The following SF1 variants were observed in gnomAD, a reference collection of about 807,000 sequenced individuals.
SF1 encodes the protein splicing factor 1, also known as branch point-binding protein.
In SF1, 7 loss-of-function variants were observed where a neutral mutation model predicts 62.5. That is an observed-to-expected ratio of 0.11 (90% CI 0.06 to 0.21). The LOEUF is 0.21. SF1 is among the 10% of genes least tolerant of loss of function. SF1 has a pLI of 1.00. For missense variants in SF1, 578 were observed against 884.0 expected (o/e 0.65, Z 4.39); for synonymous variants, 394 against 323.6 (o/e 1.22, Z -2.33).
At position 64,767,138 on chromosome 11, in the gene SF1, A is replaced by C. The variant is rs571569373; in HGVS notation, c.1402+54T>G. 4.0e-5 allele frequency: 64 copies of C among 1,612,280 alleles called. 2 individuals carry two copies. The South Asian group carries it at 6.8e-4, about 17-fold the overall frequency. On this transcript the variant is annotated intron_variant, in intron 11 of 12. Transcript: ENST00000377390. ...GGGAAAGGCGGGGACTTGGGCCAGAACCCCCACTCACCCAAGCCTAGGTGA... is the reference window on the plus strand; with the variant it reads ...GGGAAAGGCGGGGACTTGGGCCAGACCCCCCACTCACCCAAGCCTAGGTGA...
chr11:64,770,774 A>G (rs1938192327), intron 3 of SF1: 1 of 176,206 alleles, frequency 5.7e-6, no homozygotes, highest in Non-Finnish European at 1.2e-5. Context: ...AAAAATACAT[A>G]TCCCAACTTT....
At chr11:64,766,569 A>C in intron 12 of SF1, 1 of 417,942 alleles carries the variant, frequency 2.4e-6, no homozygotes, top group East Asian at 4.2e-5. Context: ...GCAAGCATGC[A>C]CCATCCCACT....
chr11:64,772,485 C>T (rs1484298016), intron 3 of SF1: 1 of 984,778 alleles, frequency 1.0e-6, no homozygotes, highest in Non-Finnish European at 1.2e-6. Context: ...AAGAAAGATG[C>T]ATGAGTGAGT....
At position 64,765,539 on chromosome 11, in the gene SF1, G is replaced by C; in HGVS notation, c.*279C>G. On this transcript the variant is annotated 3_prime_UTR_variant, in exon 13 of 13. Coordinates refer to ENST00000377390, the MANE Select transcript of SF1 (RefSeq NM_004630.4). ...GGATCCTGGCGGCCCGGTTTGGGGA[G>C]AGGCAAAGGGAGTTGGGTGAGGAGA... 1 of 1,598,286 alleles carries C rather than the reference G, an allele frequency of 6.3e-7. No homozygotes were observed. Among genetic ancestry groups the C allele is most frequent in the East Asian group, 2.3e-5 (1 of 44,308 alleles).
At chr11:64,769,189 G>A (rs779845121) in intron 7 of SF1, 34 bp downstream of exon 7, 4 of 1,609,730 alleles carry the variant, frequency 2.5e-6, no homozygotes, top group Admixed American at 3.3e-5. Context: ...AGGTTCTTCA[G>A]GTCTCTACAC....
At chr11:64,778,128 G>A (rs1465708514) in intron 1 of SF1, 3 of 838,486 alleles carry the variant, frequency 3.6e-6, no homozygotes, top group Non-Finnish European at 2.9e-6. Flanking sequence ...GGGGACGGTG[G>A]CGGTGGAGGC....
At chr11:64,775,471 A>C (rs1362169163) in intron 2 of SF1, among the ~76,000 whole-genome samples, 1 of 152,196 alleles carries the variant, frequency 6.6e-6, no homozygotes, top group Admixed American at 6.5e-5. Flanking sequence ...GGAAAGAACA[A>C]GTATTAGTAG....
In SF1 at chr11:64,764,610, G is replaced by GA. The variant is rs1195076505; in HGVS notation, c.*1207dup. 1 of 152,530 alleles carries GA rather than the reference G, an allele frequency of 6.6e-6. No homozygotes were observed. Among genetic ancestry groups the GA allele is most frequent in the Non-Finnish European group, 1.5e-5 (1 of 68,058 alleles). 9.4% of individuals were successfully genotyped at this position (152,530 alleles called of 1,614,324 possible). A position where few individuals can be genotyped will look rare whatever the true frequency, so the allele number is the denominator to read the frequency against. ...AAAAGAAAATAAAGAAGCAGACCCA[G>GA]AAAACCACACTGCTCTTTTATTCAA... On this transcript the variant is annotated 3_prime_UTR_variant, in exon 13 of 13. Transcript: ENST00000377390.
intron 2 of SF1, chr11:64,776,256 C>A: frequency 2.2e-6 from 1 of 444,448 alleles, no homozygotes. Flanking sequence ...ACTGTTCTTA[C>A]TCCTAAGTGA....
intron 3 of SF1, chr11:64,772,400 T>C (rs1483611356): frequency 2.0e-5 from 20 of 983,490 alleles, no homozygotes; most frequent in South Asian, 4.7e-5. Context: ...AGGTAAAATA[T>C]AGCAAATGTA....
At chr11:64,772,205 GGTTT>G in intron 3 of SF1, 4 of 985,100 alleles carry the variant, frequency 4.1e-6, no homozygotes, top group Non-Finnish European at 3.6e-6. Flanking sequence ...AAGCAAAGAA[GGTTT>G]GTTAAAAATT....
intron 1 of SF1, 92 bp from the exon 2 acceptor site, chr11:64,776,718 C>A: frequency 8.0e-7 from 1 of 1,248,520 alleles, no homozygotes; most frequent in Admixed American, 2.4e-5. Context: ...AGAAACTCAG[C>A]AGACTGTGAA....
At chr11:64,777,917 C>A (rs1030410350) in intron 1 of SF1, 1 of 965,106 alleles carries the variant, frequency 1.0e-6, no homozygotes. Flanking sequence ...GCCGTCGCCG[C>A]CGCCGCGCGC....
At chr11:64,766,817 G>T in intron 12 of SF1, 83 bp downstream of exon 12, 1 of 1,168,640 alleles carries the variant, frequency 8.6e-7, no homozygotes, top group Non-Finnish European at 1.2e-6. Context: ...CAAGACACCT[G>T]CCTGCTTGTG....
chr11:64,769,178 T>C lies in SF1; in HGVS notation c.779+45A>G, dbSNP rs1466997201. ...TGCAAGGGAACAATCTCTACTTCCA[T>C]AGGTTCTTCAGGTCTCTACACTCTC... is the stretch of plus-strand genomic sequence containing the variant. On this transcript the variant is annotated intron_variant, in intron 7 of 12. Transcript: ENST00000377390. 1.3e-5 allele frequency: 21 copies of C among 1,608,590 alleles called. 1 individual carries two copies. Among genetic ancestry groups the C allele is most frequent in the South Asian group, 1.2e-4 (11 of 90,974 alleles).
chr11:64,777,836 C>G, intron 1 of SF1: 1 of 959,446 alleles, frequency 1.0e-6, no homozygotes, highest in Non-Finnish European at 1.2e-6. Flanking sequence ...TAGAACCAGG[C>G]CGCGCGCGCC....
At chr11:64,774,833 C>T (rs1239837450) in intron 2 of SF1, among the ~76,000 whole-genome samples, 5 of 151,728 alleles carry the variant, frequency 3.3e-5, no homozygotes, top group Non-Finnish European at 4.4e-5. Context: ...TGGTGGCGTG[C>T]GCCTGTAGTC....
At chr11:64,771,641 G>C (rs1422644181) in intron 3 of SF1, 1 of 985,186 alleles carries the variant, frequency 1.0e-6, no homozygotes, top group Admixed American at 6.2e-5. Flanking sequence ...TCTAGCATTT[G>C]TATAAACTGT....
intron 1 of SF1, chr11:64,777,618 A>G: frequency 2.0e-6 from 2 of 985,480 alleles, no homozygotes; most frequent in African/African-American, 3.5e-5. Flanking sequence ...TGAGGCTTTC[A>G]CGCCCTGCTG....
Sources: gnomAD v4.1 joint callset for allele counts (sites outside exome capture counted in the v4.1 genomes callset) on GRCh38, gnomAD v4.1.1 for gene constraint, MANE v1.5 for transcripts, NCBI Gene and HGNC (gene_info 2026-07-23, HGNC 2026-07-21) for gene names.